The following ZNF804A variants were observed in gnomAD, a reference collection of about 807,000 sequenced individuals.
ZNF804A encodes the protein zinc finger protein 804A.
Under a neutral mutation model 16.5 loss-of-function variants are expected in ZNF804A, and 2 were observed. The ratio of observed to expected loss-of-function variants is 0.12; its 90% CI spans 0.05 to 0.38. The LOEUF is 0.38. Ranked by LOEUF, ZNF804A falls within the 10% of genes least tolerant of loss-of-function variation. The pLI, the probability that ZNF804A is intolerant of heterozygous loss-of-function variation, is 0.99. For synonymous variants in ZNF804A, 534 were observed against 489.6 expected (o/e 1.09, Z -1.20); for missense variants, 1,473 against 1,390.7 (o/e 1.06, Z -0.94).
At chr2:184,806,394 A>T (rs1228775257) in intron 1 of ZNF804A, among the ~76,000 whole-genome samples, 1 of 151,918 alleles carries the variant, frequency 6.6e-6, no homozygotes, top group Non-Finnish European at 1.5e-5. Flanking sequence ...ATGTGTGTTT[A>T]TTTAATTTGG....
At chr2:184,763,662 T>C (rs1168630511) in intron 1 of ZNF804A, among the ~76,000 whole-genome samples, 3 of 97,284 alleles carry the variant, frequency 3.1e-5, no homozygotes, top group Non-Finnish European at 6.3e-5. Flanking sequence ...TTTTTTTTTT[T>C]AGTGGAGTCT....
intron 1 of ZNF804A, among the ~76,000 whole-genome samples, chr2:184,631,692 G>C (rs1691611794): frequency 6.6e-6 from 1 of 152,110 alleles, no homozygotes; most frequent in Admixed American, 6.5e-5. Context: ...ATGAAATTTG[G>C]TAAACAATCT....
intron 1 of ZNF804A, among the ~76,000 whole-genome samples, chr2:184,793,575 G>T (rs1340900591): frequency 6.6e-6 from 1 of 151,920 alleles, no homozygotes; most frequent in Non-Finnish European, 1.5e-5. Flanking sequence ...TGTCTATTTT[G>T]TTTTTATTTC....
At chr2:184,725,251 A>C (rs1021549291) in intron 1 of ZNF804A, among the ~76,000 whole-genome samples, 6 of 151,742 alleles carry the variant, frequency 4.0e-5, no homozygotes, top group Non-Finnish European at 8.9e-5. Context: ...CTACTGAAGC[A>C]TGTAAGAGTT....
At chr2:184,764,816 G>A (rs1233301739) in intron 1 of ZNF804A, among the ~76,000 whole-genome samples, 1 of 151,964 alleles carries the variant, frequency 6.6e-6, no homozygotes, top group African/African-American at 2.4e-5. Context: ...TGAAAAAAAT[G>A]ATGTGCAAGT....
chr2:184,921,380 A>T (rs937628093), intron 2 of ZNF804A, among the ~76,000 whole-genome samples: 1 of 152,152 alleles, frequency 6.6e-6, no homozygotes, highest in Non-Finnish European at 1.5e-5. Flanking sequence ...TAAGAGAAGT[A>T]TTTGTGCATA....
At chr2:184,641,397 G>T (rs533319789) in intron 1 of ZNF804A, among the ~76,000 whole-genome samples, 58 of 152,312 alleles carry the variant, frequency 3.8e-4, no homozygotes, top group African/African-American at 1.2e-3. Flanking sequence ...ATCAGCAGTT[G>T]CTTGGGGCCA....
At chr2:184,727,441 A>G (rs1693430663) in intron 1 of ZNF804A, among the ~76,000 whole-genome samples, 1 of 151,622 alleles carries the variant, frequency 6.6e-6, no homozygotes, top group African/African-American at 2.4e-5. Context: ...ATGGACTCCT[A>G]CTTCAAGTAC....
At chr2:184,922,741 T>C (rs921415710) in intron 2 of ZNF804A, among the ~76,000 whole-genome samples, 1 of 152,008 alleles carries the variant, frequency 6.6e-6, no homozygotes, top group African/African-American at 2.4e-5. Flanking sequence ...TTTTTGCATA[T>C]GGCAAAAAAT....
At chr2:184,768,042 G>GCTC (rs1453470305) in intron 1 of ZNF804A, among the ~76,000 whole-genome samples, 2 of 152,002 alleles carry the variant, frequency 1.3e-5, no homozygotes, top group Non-Finnish European at 2.9e-5. Flanking sequence ...TACAGTTGGT[G>GCTC]CTCCGTATCT....
At chr2:184,625,712 C>G (rs914733665) in intron 1 of ZNF804A, among the ~76,000 whole-genome samples, 4 of 151,994 alleles carry the variant, frequency 2.6e-5, no homozygotes, top group African/African-American at 9.7e-5. Context: ...TACTCTTTCA[C>G]TAACTTATTT....
chr2:184,697,861 A>G (rs1692857375), intron 1 of ZNF804A, among the ~76,000 whole-genome samples: 1 of 152,092 alleles, frequency 6.6e-6, no homozygotes, highest in Admixed American at 6.5e-5. Flanking sequence ...ATCCTCAGTG[A>G]AGCACAAATG....
intron 1 of ZNF804A, among the ~76,000 whole-genome samples, chr2:184,654,366 G>C (rs1480288866): frequency 6.6e-6 from 1 of 152,102 alleles, no homozygotes; most frequent in Non-Finnish European, 1.5e-5. Flanking sequence ...GGTTGGTTCT[G>C]AGTTGGAAAT....
intron 1 of ZNF804A, among the ~76,000 whole-genome samples, chr2:184,633,644 G>T (rs1574140011): frequency 6.6e-6 from 1 of 152,156 alleles, no homozygotes; most frequent in Middle Eastern, 3.4e-3. Context: ...TAAAATATTT[G>T]AAATCCAACT....
chr2:184,663,847 G>C (rs1304446144), intron 1 of ZNF804A, among the ~76,000 whole-genome samples: 1 of 152,192 alleles, frequency 6.6e-6, no homozygotes, highest in Non-Finnish European at 1.5e-5. Flanking sequence ...TGGGAACCCA[G>C]TATTAATCTC....
intron 1 of ZNF804A, among the ~76,000 whole-genome samples, chr2:184,810,554 G>A (rs189588144): frequency 1.4e-5 from 2 of 143,878 alleles, no homozygotes; most frequent in East Asian, 4.2e-4. Flanking sequence ...GCAGTGGAGC[G>A]ATCTCTGCTT....
At position 184,937,473 on chromosome 2, in the gene ZNF804A, T is replaced by C. The variant is rs763909727; in HGVS notation, c.2077T>C (p.Cys693Arg). The C allele has an allele frequency of 1.3e-6, 2 of 1,574,828 alleles. No homozygotes were observed. Among genetic ancestry groups the C allele is most frequent in the African/African-American group, 2.7e-5 (2 of 74,084 alleles). The change falls in exon 4 of 4, where the codon TGT (cysteine) becomes CGT (arginine). Residue 693 changes from cysteine (C) to arginine (R), a missense_variant. By Grantham distance (180) the Cys-to-Arg change is radical. Transcript: ENST00000302277. The part of the protein sequence containing the change: ...TYDTISSKNH[C>R]KKNTILLNGQ... ...TGATACTATCAGTTCTAAAAACCAC[T>C]GTAAAAAGAACACAATACTTTTAAA...
At chr2:184,737,281 T>C (rs996987193) in intron 1 of ZNF804A, among the ~76,000 whole-genome samples, 3 of 151,960 alleles carry the variant, frequency 2.0e-5, no homozygotes, top group Admixed American at 6.6e-5. Context: ...CAGGGTGGCC[T>C]CTATCTCCTG....
chr2:184,644,383 G>A (rs1691840643), intron 1 of ZNF804A, among the ~76,000 whole-genome samples: 1 of 151,496 alleles, frequency 6.6e-6, no homozygotes, highest in Non-Finnish European at 1.5e-5. Flanking sequence ...TTATATTTTT[G>A]TGTTTTAGTA....
Sources: allele counts gnomAD v4.1 joint callset (sites outside exome capture counted in the v4.1 genomes callset), GRCh38; gene constraint gnomAD v4.1.1; transcripts MANE v1.5; gene names NCBI Gene and HGNC (gene_info 2026-07-23, HGNC 2026-07-21).